NPAS1: variants seen among roughly 807,000 people sequenced by gnomAD.
NPAS1 encodes neuronal PAS domain protein 1.
A neutral mutation model predicts 49.2 loss-of-function variants in NPAS1; 29 were observed. That is an observed-to-expected ratio of 0.59 (90% CI 0.44 to 0.80). The LOEUF is 0.80. NPAS1 is among the 30% of genes least tolerant of loss of function. The pLI is 0.00. For synonymous variants in NPAS1, 408 were observed against 380.4 expected (o/e 1.07, Z -0.84); for missense variants, 825 against 835.5 (o/e 0.99, Z 0.15).
chr19:47,032,230 G>A, intron 3 of NPAS1, 48 bp from the exon 4 acceptor site: 2 of 1,568,242 alleles, frequency 1.3e-6, no homozygotes, highest in Non-Finnish European at 1.8e-6. Flanking sequence ...GACCTGCCCT[G>A]GGCAGGGTCA....
chr19:47,045,691 G>A lies in NPAS1; in HGVS notation c.*40G>A. 1 of 1,371,004 alleles carries A rather than the reference G, an allele frequency of 7.3e-7. No individual in the cohort carries two copies. Among genetic ancestry groups the A allele is most frequent in the Non-Finnish European group, 9.4e-7 (1 of 1,059,818 alleles). The allele number at this position is 1,371,004 out of a possible 1,614,324, so 84.9% of individuals were successfully genotyped here. On this transcript the variant is annotated 3_prime_UTR_variant, in exon 12 of 12. Coordinates refer to ENST00000602212, the MANE Select transcript of NPAS1 (RefSeq NM_002517.4). ...GCCGGCGCCGGACCCTGCGACAACC[G>A]GGGTCCCCCAGGACAGTAGGCCCGG...
At chr19:47,022,230 C>T (rs553412920) in intron 3 of NPAS1, among the ~76,000 whole-genome samples, 1 of 152,184 alleles carries the variant, frequency 6.6e-6, no homozygotes, top group Non-Finnish European at 1.5e-5. Flanking sequence ...GGGCGAGATA[C>T]CCTGGATCCA....
chr19:47,038,453 G>C (rs1568507719), intron 6 of NPAS1, among the ~76,000 whole-genome samples: 1 of 119,546 alleles, frequency 8.4e-6, no homozygotes, highest in African/African-American at 2.6e-5. Context: ...GGAGACGGAG[G>C]TCGCAGTAGG....
intron 8 of NPAS1, 24 bp downstream of exon 8, chr19:47,039,588 G>A (rs766002617): frequency 3.6e-5 from 55 of 1,535,198 alleles, no homozygotes; most frequent in Admixed American, 2.6e-4. Flanking sequence ...GGGCTGTGGC[G>A]GGTGGATTGG....
At chr19:47,042,644 A>C (rs148315190) in intron 10 of NPAS1, among the ~76,000 whole-genome samples, 166 bp from the exon 11 acceptor site, 1,597 of 152,296 alleles carry the variant, frequency 0.01, 29 homozygotes, top group African/African-American at 0.036. Context: ...CTAGAAGTCA[A>C]CCCGGAGTTT....
intron 11 of NPAS1, among the ~76,000 whole-genome samples, chr19:47,043,669 G>C (rs1851435810): frequency 2.0e-5 from 3 of 151,868 alleles, no homozygotes; most frequent in Admixed American, 1.3e-4. Flanking sequence ...AGGCAGGAGA[G>C]TCGCTTCTAC....
At position 47,043,045 on chromosome 19, in the gene NPAS1, G is replaced by A. The variant is rs1050176249; in HGVS notation, c.1312+141G>A. ...AATCCAGGCCGGTGCGGTGGCTCAC[G>A]CCTGTAATCCCAGCACTTTGGGAGG... On this transcript the variant is annotated intron_variant, in intron 11 of 11. Coordinates refer to ENST00000602212, the MANE Select transcript of NPAS1 (RefSeq NM_002517.4). 35 of 568,418 alleles carry A rather than the reference G, an allele frequency of 6.2e-5. 1 individual carries two copies. Among genetic ancestry groups the A allele is most frequent in the South Asian group, 3.7e-4 (12 of 32,462 alleles). The allele number at this position is 568,418 out of a possible 1,614,324, so 35.2% of individuals were successfully genotyped here.
Position 47,024,778 on chromosome 19 carries a change from C to T in NPAS1, c.358+2931C>T, listed in dbSNP as rs549390861. Among the ~76,000 whole-genome samples, 51 of 151,678 alleles carry T rather than the reference C, an allele frequency of 3.4e-4. 1 individual carries two copies. Among genetic ancestry groups the T allele is most frequent in the Admixed American group, 1.3e-4 (2 of 15,232 alleles). ...GAGCCTCTGAGTCTGGAGAGGAGAC[C>T]GCCCAAATCTCATGTCAGCATTCCC... is the stretch of plus-strand genomic sequence containing the variant. On this transcript the variant is annotated intron_variant, in intron 3 of 11. Transcript: ENST00000602212.
At chr19:47,022,818 T>A (rs1057506223) in intron 3 of NPAS1, among the ~76,000 whole-genome samples, 19 of 152,266 alleles carry the variant, frequency 1.2e-4, no homozygotes, top group African/African-American at 3.4e-4. Context: ...CAGATAAATA[T>A]CTAAGTTTAT....
At position 47,039,044 on chromosome 19, in the gene NPAS1, C is replaced by T. The variant is rs1199354829; in HGVS notation, c.697C>T (p.Leu233Phe). The change falls in exon 7 of 12, where the codon CTC becomes TTC. Residue 233 changes from leucine to phenylalanine, a missense_variant. Physicochemically the swap from Leu to Phe is conservative, Grantham distance 22. Transcript: ENST00000602212. ...LADTPEIEAS[L>F]TKVPPSSLVQ... Reference sequence around the variant, plus strand: ...TTCACTCTCTGTCCCAGAGGCCAGCCTCACCAAGGTGCCCCCCTCCTCCCT... The same window carrying T: ...TTCACTCTCTGTCCCAGAGGCCAGCTTCACCAAGGTGCCCCCCTCCTCCCT... 4.3e-6 allele frequency: 7 copies of T among 1,613,986 alleles called. No homozygotes were observed. Among genetic ancestry groups the T allele is most frequent in the Non-Finnish European group, 5.9e-6 (7 of 1,179,952 alleles).
chr19:47,028,696 G>C (rs1336954478), intron 3 of NPAS1, among the ~76,000 whole-genome samples: 1 of 152,146 alleles, frequency 6.6e-6, no homozygotes, highest in East Asian at 1.9e-4. Context: ...CAGCCAGGGA[G>C]GGGAAGCGCT....
intron 11 of NPAS1, among the ~76,000 whole-genome samples, chr19:47,044,946 C>T: frequency 6.6e-6 from 1 of 152,166 alleles, no homozygotes; most frequent in East Asian, 1.9e-4. Context: ...AGGAGAATAG[C>T]TTGAACCCCA....
In NPAS1 at chr19:47,021,581, C is replaced by A; in HGVS notation, c.123-31C>A. The A allele has an allele frequency of 1.4e-6, 2 of 1,414,172 alleles. No individual in the cohort carries two copies. The highest frequency in any genetic ancestry group is 1.9e-6 in the Non-Finnish European group (2 of 1,079,750). The allele number at this position is 1,414,172 out of a possible 1,614,324, so 87.6% of individuals were successfully genotyped here. A position where few individuals can be genotyped will look rare whatever the true frequency, so the allele number is the denominator to read the frequency against. ...CCCAAGCCCCTGAGCCCCGGGGCCCCGCCGACACCTCCTCCGCGCCGCCCG... is the reference window on the plus strand; with the variant it reads ...CCCAAGCCCCTGAGCCCCGGGGCCCAGCCGACACCTCCTCCGCGCCGCCCG... On this transcript the variant is annotated intron_variant, in intron 2 of 11. Coordinates refer to ENST00000602212, the MANE Select transcript of NPAS1 (RefSeq NM_002517.4). The surrounding 1 kb of genome is among the most constrained non-coding windows in gnomAD (Gnocchi z 5.7).
Position 47,035,984 on chromosome 19 carries a change from C to T in NPAS1, c.543C>T (p.Ser181=), listed in dbSNP as rs747678670. 4 of 1,533,230 alleles carry T rather than the reference C, an allele frequency of 2.6e-6. No homozygotes were observed. In the South Asian group the frequency reaches 3.9e-5, roughly 15 times the overall value. The allele number at this position is 1,533,230 out of a possible 1,614,324, so 95.0% of individuals were successfully genotyped here. A position where few individuals can be genotyped will look rare whatever the true frequency, so the allele number is the denominator to read the frequency against. ...GGCAGGTGGAGATGACGGGCAGCAG[C>T]GTCTTCGACTACATTCACCCTGGGG... ...GLSQVEMTGS[S]VFDYIHPGDH... The change falls in exon 6 of 12, where the codon AGC becomes AGT. Residue 181 remains serine, a synonymous_variant. Coordinates refer to ENST00000602212, the MANE Select transcript of NPAS1 (RefSeq NM_002517.4).
At chr19:47,039,370 G>A (rs150949950) in intron 7 of NPAS1, 37 bp from the exon 8 acceptor site, 32,105 of 1,608,900 alleles carry the variant, frequency 0.02, 403 homozygotes, top group South Asian at 0.029. Flanking sequence ...CCACTGGCCC[G>A]CCTTGTCCCT....
At chr19:47,039,347 G>A in intron 7 of NPAS1, 60 bp from the exon 8 acceptor site, 1 of 1,597,856 alleles carries the variant, frequency 6.3e-7, no homozygotes, top group Non-Finnish European at 8.5e-7. Context: ...GCCCAGTGAT[G>A]GTCCTCTTGC....
chr19:47,033,187 C>T (rs749001411), intron 5 of NPAS1, among the ~76,000 whole-genome samples: 8 of 151,784 alleles, frequency 5.3e-5, no homozygotes, highest in Non-Finnish European at 1.2e-4. Context: ...CCACCTGCCT[C>T]GGCCTCCCAA....
rs1223313406 is a variant in NPAS1, at chr19:47,019,998, G to A, written c.-43+1G>A. The stretch of plus-strand genomic sequence containing the variant: ...AGTAATCGGACTGGCGGTCCTGCGG[G>A]TAGGGGAAGCTTGCGGGCTGGCAGG... On this transcript the variant is annotated splice_donor_variant, in intron 1 of 11. Transcript: ENST00000602212. LOFTEE classifies it low-confidence loss of function (5UTR_SPLICE). 6 of 394,780 alleles carry A rather than the reference G, an allele frequency of 1.5e-5. No individual in the cohort carries two copies. The East Asian group carries it at 2.2e-4, about 14-fold the overall frequency. The allele number at this position is 394,780 out of a possible 1,614,324, so 24.5% of individuals were successfully genotyped here. A position where few individuals can be genotyped will look rare whatever the true frequency, so the allele number is the denominator to read the frequency against.
intron 3 of NPAS1, among the ~76,000 whole-genome samples, chr19:47,023,911 C>T (rs2056856950): frequency 1.3e-5 from 2 of 152,124 alleles, no homozygotes; most frequent in South Asian, 4.2e-4. Context: ...TCGAGACCAT[C>T]CTGGCCAACA....
Sources: gnomAD v4.1 joint callset for allele counts (sites outside exome capture counted in the v4.1 genomes callset) on GRCh38, gnomAD v4.1.1 for gene constraint, Gnocchi (gnomAD v3.1) non-coding constraint, MANE v1.5 for transcripts, NCBI Gene and HGNC (gene_info 2026-07-23, HGNC 2026-07-21) for gene names.